Variants in PRKD3 observed in about 807,000 individuals in gnomAD.
PRKD3 encodes protein kinase D3.
In PRKD3, 47 loss-of-function variants were observed where a neutral mutation model predicts 99.2. The ratio of observed to expected loss-of-function variants is 0.47; its 90% CI spans 0.38 to 0.60. PRKD3 has a LOEUF of 0.60. Ranked by LOEUF, PRKD3 falls within the 20% of genes least tolerant of loss-of-function variation. The pLI is 0.00. For missense variants in PRKD3, 1,019 were observed against 1,088.4 expected, an observed-to-expected ratio of 0.94 and a Z score of 0.90; for synonymous variants, 392 against 355.4, an observed-to-expected ratio of 1.10 and a Z score of -1.16.
intron 18 of PRKD3, among the ~76,000 whole-genome samples, chr2:37,253,840 G>GT (rs553993023): frequency 2.7e-4 from 41 of 152,200 alleles, no homozygotes; most frequent in African/African-American, 9.2e-4. Context: ...AATCTATAAA[G>GT]TAACTTTGGG....
chr2:37,256,606 A>G, intron 17 of PRKD3, 56 bp downstream of exon 17: 2 of 1,436,144 alleles, frequency 1.4e-6, no homozygotes, highest in Non-Finnish European at 1.8e-6. Context: ...AAAGATGTTT[A>G]GGCTTAAAAC....
chr2:37,283,669 AAAC>A (rs1669958557), intron 6 of PRKD3, among the ~76,000 whole-genome samples: 1 of 152,128 alleles, frequency 6.6e-6, no homozygotes, highest in Non-Finnish European at 1.5e-5. Context: ...CAAACTGTGA[AAAC>A]AACAAGGTTT....
intron 2 of PRKD3, among the ~76,000 whole-genome samples, chr2:37,315,458 G>A (rs1382127834): frequency 2.6e-5 from 4 of 152,062 alleles, no homozygotes; most frequent in African/African-American, 4.8e-5. Context: ...TTTTCAGGAC[G>A]TTCAGAATCT....
chr2:37,282,375 T>A, intron 7 of PRKD3, 167 bp downstream of exon 7: 1 of 567,114 alleles, frequency 1.8e-6, no homozygotes, highest in East Asian at 2.8e-5. Context: ...TGATTACTAA[T>A]AAATGTATAC....
chr2:37,267,440 G>T lies in PRKD3; in HGVS notation c.1874C>A (p.Ala625Asp). 6.3e-7 allele frequency: 1 copy of T among 1,587,144 alleles called. No individual in the cohort carries two copies. The highest frequency in any genetic ancestry group is 8.6e-7 in the Non-Finnish European group (1 of 1,162,960). ...KQESQLRNEV[A>D]ILQNLHHPGI... ...ATTTTTTATTTTTACCTGTAAAATA[G>T]CCACTTCATTACGGAGTTGACTTTC... The change falls in exon 14 of 19, where the codon GCT becomes GAT. Residue 625 changes from alanine (A) to aspartate (D), a missense_variant. By Grantham distance (126) the Ala-to-Asp change is moderately radical. Coordinates refer to ENST00000234179, the MANE Select transcript of PRKD3 (RefSeq NM_005813.6).
At chr2:37,314,654 G>T (rs2124899189) in intron 2 of PRKD3, among the ~76,000 whole-genome samples, 1 of 151,684 alleles carries the variant, frequency 6.6e-6, no homozygotes, top group East Asian at 1.9e-4. Flanking sequence ...ATAAGTAAAT[G>T]AAATTTCCAA....
chr2:37,288,939 C>T lies in PRKD3; in HGVS notation c.717+417G>A, dbSNP rs574643275. Among the ~76,000 whole-genome samples the T allele has an allele frequency of 2.6e-5, 4 of 151,912 alleles. No individual in the cohort carries two copies. In the South Asian group the frequency reaches 8.3e-4, roughly 32 times the overall value. Reference sequence around the variant, plus strand: ...TGTAGTGGCACGCATCTGTAATCCCCGCTACTTGGGAGGCTGAGGCAGGAG... The same window carrying T: ...TGTAGTGGCACGCATCTGTAATCCCTGCTACTTGGGAGGCTGAGGCAGGAG... On this transcript the variant is annotated intron_variant, in intron 5 of 18. Coordinates refer to ENST00000234179, the MANE Select transcript of PRKD3 (RefSeq NM_005813.6).
chr2:37,320,563 C>A lies in PRKD3; in HGVS notation c.-655-3384G>T, dbSNP rs751053975. On this transcript the variant is annotated intron_variant, in intron 1 of 18. Coordinates refer to ENST00000234179, the MANE Select transcript of PRKD3 (RefSeq NM_005813.6). ...TCTTGTGCCTCAGCCGCCCCAGTAG[C>A]TGGGATTACAGGTGCACATCACCAT... is the stretch of plus-strand genomic sequence containing the variant. 6.3e-4 allele frequency among the ~76,000 whole-genome samples: 95 copies of A among 151,072 alleles called. 1 individual carries two copies. The highest frequency in any genetic ancestry group is 3.4e-3 in the Middle Eastern group (1 of 292).
At chr2:37,260,458 A>G (rs1668335982) in intron 14 of PRKD3, 74 bp from the exon 15 acceptor site, 1 of 1,307,042 alleles carries the variant, frequency 7.7e-7, no homozygotes, top group Non-Finnish European at 1.1e-6. Context: ...ATGTGCTATG[A>G]TTGTCTGAAA....
chr2:37,293,816 G>C (rs1386986206), intron 2 of PRKD3, among the ~76,000 whole-genome samples: 1 of 152,132 alleles, frequency 6.6e-6, no homozygotes, highest in Non-Finnish European at 1.5e-5. Flanking sequence ...TGCTGATATC[G>C]TTTACCTATT....
At chr2:37,276,473 T>C (rs1669575666) in intron 9 of PRKD3, among the ~76,000 whole-genome samples, 1 of 152,140 alleles carries the variant, frequency 6.6e-6, no homozygotes, top group African/African-American at 2.4e-5. Context: ...CCTGTGAAAC[T>C]CTCTGTTCAT....
intron 14 of PRKD3, among the ~76,000 whole-genome samples, chr2:37,267,217 T>C (rs1212020094): frequency 1.3e-5 from 2 of 152,126 alleles, no homozygotes; most frequent in Non-Finnish European, 2.9e-5. Context: ...CTGGAATGAA[T>C]TAAGAATGAA....
At chr2:37,291,802 G>C (rs2124842083) in intron 3 of PRKD3, among the ~76,000 whole-genome samples, 1 of 152,294 alleles carries the variant, frequency 6.6e-6, no homozygotes, top group East Asian at 1.9e-4. Flanking sequence ...TGAGAAAAGG[G>C]AACTTGGTAG....
chr2:37,268,193 A>T, intron 13 of PRKD3: 1 of 404,742 alleles, frequency 2.5e-6, no homozygotes, highest in Non-Finnish European at 5.0e-6. Context: ...GCTCTTCTCT[A>T]CATAGCTATT....
chr2:37,312,748 A>C (rs958034430), intron 2 of PRKD3, among the ~76,000 whole-genome samples: 5 of 152,224 alleles, frequency 3.3e-5, no homozygotes, highest in African/African-American at 1.2e-4. Context: ...TGAATCAACT[A>C]TATATATTAA....
At chr2:37,303,191 C>A (rs1396742651) in intron 2 of PRKD3, among the ~76,000 whole-genome samples, 2 of 152,074 alleles carry the variant, frequency 1.3e-5, no homozygotes, top group Non-Finnish European at 2.9e-5. Context: ...AGAAGATTAC[C>A]TGCCCGTCCC....
chr2:37,264,807 T>G (rs147934044), intron 14 of PRKD3, among the ~76,000 whole-genome samples: 44 of 152,318 alleles, frequency 2.9e-4, no homozygotes, highest in African/African-American at 9.9e-4. Context: ...TCAAGTGATT[T>G]TGATTCACTT....
At chr2:37,282,461 CAG>C in intron 7 of PRKD3, 79 bp downstream of exon 7, 1 of 923,640 alleles carries the variant, frequency 1.1e-6, no homozygotes, top group Non-Finnish European at 1.7e-6. Context: ...ATCAGGAAAA[CAG>C]AACCTTATCC....
Position 37,256,936 on chromosome 2 carries a change from A to T in PRKD3, c.2146-7T>A, listed in dbSNP as rs776719664. On this transcript the variant is annotated splice_polypyrimidine_tract_variant and splice_region_variant and intron_variant, in intron 16 of 18. Coordinates refer to ENST00000234179, the MANE Select transcript of PRKD3 (RefSeq NM_005813.6). The stretch of plus-strand genomic sequence containing the variant: ...CAAAGTCACACAGCTTCACCTGGAA[A>T]TTGAAGGATGATGTTAATTTTGTAT... 14 of 1,613,724 alleles carry T rather than the reference A, an allele frequency of 8.7e-6. No homozygotes were observed. The African/African-American group carries it at 1.6e-4, about 18-fold the overall frequency.
Sources: allele counts gnomAD v4.1 joint callset (sites outside exome capture counted in the v4.1 genomes callset), GRCh38; gene constraint gnomAD v4.1.1; transcripts MANE v1.5; gene names NCBI Gene and HGNC (gene_info 2026-07-23, HGNC 2026-07-21).